The following OPA1 variants were observed in gnomAD, a reference collection of about 807,000 sequenced individuals.
The protein encoded by OPA1 is dynamin-like GTPase OPA1, mitochondrial.
In OPA1, 59 loss-of-function variants were observed where a neutral mutation model predicts 152.9. The observed-to-expected ratio is 0.39, with a 90% CI of 0.31 to 0.48. The LOEUF (loss-of-function observed/expected upper bound fraction) is 0.48, where lower values mean the gene tolerates loss of function less well. Among genes scored for constraint, OPA1 ranks in the 20% least tolerant of loss-of-function variants. The pLI is 0.96. For missense variants in OPA1, 1,008 were observed against 1,216.8 expected (o/e 0.83, Z 2.55); for synonymous variants, 400 against 389.9 (o/e 1.03, Z -0.31).
intron 21 of OPA1, 45 bp from the exon 22 acceptor site, chr3:193,654,816 CA>C (rs758611411): frequency 6.3e-7 from 1 of 1,581,490 alleles, no homozygotes; most frequent in South Asian, 1.1e-5. Flanking sequence ...TTTTTAAAAA[CA>C]ATATTATATT....
Position 193,617,830 on chromosome 3 carries a change from C to T in OPA1, c.603C>T (p.Leu201=), listed in dbSNP as rs377506325. The T allele has an allele frequency of 1.4e-5, 23 of 1,611,050 alleles. No homozygotes were observed. The highest frequency in any genetic ancestry group is 1.2e-4 in the Admixed American group (7 of 59,992). The change falls in exon 5 of 31, where the codon CTC becomes CTT. Residue 201 remains leucine, a synonymous_variant. Coordinates refer to ENST00000361510, the MANE Select transcript of OPA1 (RefSeq NM_130837.3). Reference sequence around the variant, plus strand: ...TCATAGGAGCTTCTGACCTACTTCTCTTGTTAGGTGTGTAAACAGACATTT... The same window carrying T: ...TCATAGGAGCTTCTGACCTACTTCTTTTGTTAGGTGTGTAAACAGACATTT... ...SEVIGASDLL[L]LLGSPEETAF... is the part of the protein sequence containing the mutation.
chr3:193,664,356 T>G (rs912984863), intron 26 of OPA1, among the ~76,000 whole-genome samples: 3 of 152,016 alleles, frequency 2.0e-5, no homozygotes, highest in African/African-American at 7.2e-5. Context: ...ATTATTGTTT[T>G]GCTCAAAAAA....
At chr3:193,614,585 G>A (rs1728731422) in intron 1 of OPA1, 138 bp from the exon 2 acceptor site, 1 of 737,296 alleles carries the variant, frequency 1.4e-6, no homozygotes, top group South Asian at 1.5e-5. Context: ...TCAATGGTTA[G>A]TAAATGTGAA....
chr3:193,632,811 C>T (rs1176151419), intron 8 of OPA1, among the ~76,000 whole-genome samples: 1 of 152,160 alleles, frequency 6.6e-6, no homozygotes. Context: ...GTCAAGGCTA[C>T]TGTAAGCCAT....
chr3:193,600,326 A>G (rs543462427), intron 1 of OPA1, among the ~76,000 whole-genome samples: 2 of 152,272 alleles, frequency 1.3e-5, no homozygotes, highest in East Asian at 3.9e-4. Flanking sequence ...CTTTGGTGTT[A>G]ATAGGGAATT....
chr3:193,672,499 CTGTG>C (rs1479688332), intron 29 of OPA1, among the ~76,000 whole-genome samples: 1 of 152,182 alleles, frequency 6.6e-6, no homozygotes, highest in African/African-American at 2.4e-5. Flanking sequence ...TTTTTATTCT[CTGTG>C]CGTGTAATCA....
chr3:193,675,257 A>T (rs1022541171), intron 29 of OPA1, among the ~76,000 whole-genome samples: 11 of 151,034 alleles, frequency 7.3e-5, no homozygotes, highest in Non-Finnish European at 1.2e-4. Flanking sequence ...TGAATTTTAA[A>T]GGAAGAGAGG....
At chr3:193,639,148 A>G (rs896524344) in intron 11 of OPA1, among the ~76,000 whole-genome samples, 2 of 152,214 alleles carry the variant, frequency 1.3e-5, no homozygotes, top group Admixed American at 6.5e-5. Flanking sequence ...GGGGCTGCAG[A>G]GTCTTTCATT....
At chr3:193,672,853 A>AGC (rs1312198029) in intron 29 of OPA1, among the ~76,000 whole-genome samples, 1 of 137,328 alleles carries the variant, frequency 7.3e-6, no homozygotes, top group Non-Finnish European at 1.5e-5. Context: ...TGGGTAACAG[A>AGC]GCGAGACTCC....
At position 193,654,845 on chromosome 3, in the gene OPA1, A is replaced by G; in HGVS notation, c.2013-17A>G. The G allele has an allele frequency of 6.2e-7, 1 of 1,612,436 alleles. No homozygotes were observed. Among genetic ancestry groups the G allele is most frequent in the Non-Finnish European group, 8.5e-7 (1 of 1,178,988 alleles). On this transcript the variant is annotated splice_polypyrimidine_tract_variant and intron_variant, in intron 21 of 30. Coordinates refer to ENST00000361510, the MANE Select transcript of OPA1 (RefSeq NM_130837.3). Reference sequence around the variant, plus strand: ...ATTATATTTAGATTTGGTGCTTTTGATACTTTTTTATTTCAGGGAGGAAAT... The same window carrying G: ...ATTATATTTAGATTTGGTGCTTTTGGTACTTTTTTATTTCAGGGAGGAAAT...
rs780922750 is a variant in OPA1 at position 193,643,038 on chromosome 3, G to T, written c.1294G>T (p.Val432Phe). 1 of 1,611,390 alleles carries T rather than the reference G, an allele frequency of 6.2e-7. No homozygotes were observed. Reference protein sequence around the residue: ...MRKNVKEGCTVSPETISLNVK... With the variant: ...MRKNVKEGCTFSPETISLNVK... Reference sequence around the variant, plus strand: ...GAAAAATGTGAAAGAAGGCTGTACCGTTAGCCCTGAGGTAAGGGTTGCAAT... The same window carrying T: ...GAAAAATGTGAAAGAAGGCTGTACCTTTAGCCCTGAGGTAAGGGTTGCAAT... The change falls in exon 13 of 31, where the codon GTT (valine) becomes TTT (phenylalanine). Residue 432 changes from valine (V) to phenylalanine (F), a missense_variant. Physicochemically the swap from Val to Phe is conservative, Grantham distance 50 (BLOSUM62 -1). This residue lies in a region of OPA1 where 213 missense variants were observed against 291.4 expected (regional missense o/e 0.73). Transcript: ENST00000361510.
chr3:193,617,438 G>C (rs959892747), intron 4 of OPA1, among the ~76,000 whole-genome samples, 153 bp downstream of exon 4: 1 of 152,116 alleles, frequency 6.6e-6, no homozygotes, highest in Non-Finnish European at 1.5e-5. Flanking sequence ...ACAAAGTTTT[G>C]TTACACAATG....
intron 21 of OPA1, among the ~76,000 whole-genome samples, chr3:193,653,941 C>A (rs1039947289): frequency 5.9e-5 from 9 of 152,070 alleles, no homozygotes; most frequent in African/African-American, 2.2e-4. Context: ...CTAGAACTCT[C>A]ATTCTCTGCT....
At chr3:193,639,091 T>C (rs1560366604) in intron 11 of OPA1, among the ~76,000 whole-genome samples, 1 of 152,200 alleles carries the variant, frequency 6.6e-6, no homozygotes, top group East Asian at 1.9e-4. Flanking sequence ...TACTAGTCCA[T>C]ATCTGGGAGC....
At chr3:193,651,477 A>G (rs1712428372) in intron 21 of OPA1, among the ~76,000 whole-genome samples, 1 of 152,242 alleles carries the variant, frequency 6.6e-6, no homozygotes, top group African/African-American at 2.4e-5. Context: ...CAGTAATTAC[A>G]TTGCTAGGAA....
chr3:193,693,934 C>T (rs4687448), intron 30 of OPA1, among the ~76,000 whole-genome samples: 32,729 of 152,034 alleles, frequency 0.22, 3,771 homozygotes, highest in East Asian at 0.37. Flanking sequence ...GTGTGCTTTG[C>T]GGGGAAAAAT....
At chr3:193,670,081 C>T (rs768140497) in intron 29 of OPA1, among the ~76,000 whole-genome samples, 2 of 152,122 alleles carry the variant, frequency 1.3e-5, no homozygotes, top group African/African-American at 2.4e-5. Flanking sequence ...AGTGCCTTTT[C>T]GTTACTGTTT....
At chr3:193,650,366 C>T (rs1367234869) in intron 21 of OPA1, among the ~76,000 whole-genome samples, 1 of 152,076 alleles carries the variant, frequency 6.6e-6, no homozygotes, top group African/African-American at 2.4e-5. Context: ...TATGTTAACG[C>T]AAATATAAAT....
intron 7 of OPA1, 130 bp downstream of exon 7, chr3:193,626,332 AG>A: frequency 1.4e-6 from 1 of 716,844 alleles, no homozygotes; most frequent in Non-Finnish European, 2.5e-6. Flanking sequence ...AAAATATAAA[AG>A]ATGCATCATA....
Sources: allele counts gnomAD v4.1 joint callset (sites outside exome capture counted in the v4.1 genomes callset), GRCh38; gene constraint gnomAD v4.1.1; regional missense constraint gnomAD v4.1.1; transcripts MANE v1.5; gene names NCBI Gene and HGNC (gene_info 2026-07-23, HGNC 2026-07-21).